The following MS4A4E variants were observed in gnomAD, a reference collection of about 807,000 sequenced individuals.
MS4A4E encodes the protein membrane spanning 4-domains A4E.
In MS4A4E, 23 loss-of-function variants were observed where a neutral mutation model predicts 13.3. The observed-to-expected ratio is 1.73, with a 90% CI of 1.25 to 2.45. The LOEUF is 2.45. MS4A4E is among the 30% of genes most tolerant of loss of function. The probability of loss-of-function intolerance (pLI) is 0.00; values close to 1 mark genes in which losing one functional copy is unlikely to be tolerated. For missense variants in MS4A4E, 144 were observed against 131.2 expected (o/e 1.10, Z -0.48); for synonymous variants, 36 against 45.6 (o/e 0.79, Z 0.85).
Position 60,241,406 on chromosome 11 carries a change from T to C in MS4A4E, c.-17+1552A>G, listed in dbSNP as rs114061487. 3.4e-3 allele frequency among the ~76,000 whole-genome samples: 519 copies of C among 152,326 alleles called. 8 individuals carry two copies. Among genetic ancestry groups the C allele is most frequent in the Middle Eastern group, 0.014 (4 of 294 alleles). ...GAATTTAGGACATGTTGGGTCTGTC[T>C]TATCAAACACACTTGGTAGTTCTCC... On this transcript the variant is annotated intron_variant, in intron 1 of 8. Coordinates refer to ENST00000651255, the MANE Select transcript of MS4A4E (RefSeq NM_001393391.1).
intron 3 of MS4A4E, among the ~76,000 whole-genome samples, chr11:60,224,299 T>C (rs890520349): frequency 6.6e-6 from 1 of 152,226 alleles, no homozygotes; most frequent in African/African-American, 2.4e-5. Flanking sequence ...ACAAAATGTA[T>C]CAAATAACAA....
intron 3 of MS4A4E, among the ~76,000 whole-genome samples, chr11:60,223,921 G>T (rs973041590): frequency 6.6e-6 from 1 of 151,998 alleles, no homozygotes; most frequent in Non-Finnish European, 1.5e-5. Flanking sequence ...TATCCTATTA[G>T]TTATGTCCCT....
intron 6 of MS4A4E, among the ~76,000 whole-genome samples, chr11:60,206,510 T>TAC (rs2084049408): frequency 1.6e-5 from 1 of 62,824 alleles, no homozygotes; most frequent in African/African-American, 5.8e-5. Context: ...CGTATATATA[T>TAC]ATACACACAC....
At chr11:60,206,489 G>GTATATATATATGTATATATATGTA (rs373196401) in intron 6 of MS4A4E, among the ~76,000 whole-genome samples, 1 of 97,568 alleles carries the variant, frequency 1.0e-5, no homozygotes, top group African/African-American at 4.5e-5. Context: ...ATATATATAT[G>GTATATATATATGTATATATATGTA]TATATATATA....
In MS4A4E at chr11:60,243,051, T is replaced by C; in HGVS notation, c.-110A>G. 8.6e-7 allele frequency: 1 copy of C among 1,165,344 alleles called. No individual in the cohort carries two copies. The highest frequency in any genetic ancestry group is 1.2e-6 in the Non-Finnish European group (1 of 813,726). The allele number at this position is 1,165,344 out of a possible 1,614,324, so 72.2% of individuals were successfully genotyped here. A position where few individuals can be genotyped will look rare whatever the true frequency, so the allele number is the denominator to read the frequency against. Reference sequence around the variant, plus strand: ...TTCTTTGTTCCAGACACAGTCAGCTTCCCCCACTCCACACCTCACTCAGTT... The same window carrying C: ...TTCTTTGTTCCAGACACAGTCAGCTCCCCCCACTCCACACCTCACTCAGTT... On this transcript the variant is annotated 5_prime_UTR_variant, in exon 1 of 9. Transcript: ENST00000651255.
chr11:60,236,538 G>T (rs891997114), intron 1 of MS4A4E, among the ~76,000 whole-genome samples: 1 of 151,738 alleles, frequency 6.6e-6, no homozygotes, highest in Non-Finnish European at 1.5e-5. Flanking sequence ...TGTTCTATTT[G>T]AAACTATTGT....
intron 3 of MS4A4E, among the ~76,000 whole-genome samples, chr11:60,217,112 T>C (rs1273576799): frequency 6.6e-6 from 1 of 152,168 alleles, no homozygotes; most frequent in Non-Finnish European, 1.5e-5. Context: ...AATTATGAAC[T>C]CAGGGATTCT....
chr11:60,221,514 C>T (rs1004824851), intron 3 of MS4A4E, among the ~76,000 whole-genome samples: 2 of 152,194 alleles, frequency 1.3e-5, no homozygotes, highest in Non-Finnish European at 2.9e-5. Context: ...TATGCAGGCA[C>T]CACCTCAAAG....
At chr11:60,206,512 T>TATGTGTATATATATAC (rs141037502) in intron 6 of MS4A4E, among the ~76,000 whole-genome samples, 3 of 98,346 alleles carry the variant, frequency 3.1e-5, no homozygotes, top group African/African-American at 4.8e-5. Flanking sequence ...TATATATATA[T>TATGTGTATATATATAC]ACACACACAC....
chr11:60,210,811 A>G (rs574544044), intron 5 of MS4A4E, among the ~76,000 whole-genome samples: 1 of 152,308 alleles, frequency 6.6e-6, no homozygotes, highest in East Asian at 1.9e-4. Context: ...GAAAGCTCTT[A>G]TGGAAGTCCT....
At chr11:60,233,289 G>T (rs938247567) in intron 1 of MS4A4E, among the ~76,000 whole-genome samples, 3 of 152,128 alleles carry the variant, frequency 2.0e-5, no homozygotes, top group Admixed American at 2.0e-4. Context: ...TGCTATGCCC[G>T]ATTGTCTCTG....
intron 6 of MS4A4E, among the ~76,000 whole-genome samples, chr11:60,208,156 G>A (rs2084071396): frequency 1.3e-5 from 2 of 152,140 alleles, no homozygotes; most frequent in Admixed American, 6.6e-5. Flanking sequence ...CTGTGTATAA[G>A]ATGGGATACA....
At chr11:60,212,598 C>T (rs1256711506) in intron 5 of MS4A4E, among the ~76,000 whole-genome samples, 1 of 152,140 alleles carries the variant, frequency 6.6e-6, no homozygotes, top group East Asian at 1.9e-4. Flanking sequence ...CGTGAGCCAC[C>T]GTGTCCGGCT....
chr11:60,234,807 TACTA>T (rs1269340314), intron 1 of MS4A4E, among the ~76,000 whole-genome samples: 1 of 125,876 alleles, frequency 7.9e-6, no homozygotes, highest in Non-Finnish European at 1.6e-5. Flanking sequence ...AAAATGGCAC[TACTA>T]ACTACTTACC....
intron 3 of MS4A4E, among the ~76,000 whole-genome samples, chr11:60,217,203 AAG>A (rs1299278024): frequency 2.6e-5 from 4 of 151,952 alleles, no homozygotes; most frequent in Admixed American, 1.3e-4. Flanking sequence ...TCTGTAGAGA[AAG>A]AGCTGAAATT....
rs1053562386 is a variant in MS4A4E, at chr11:60,229,777, T to C, written c.144+135A>G. On this transcript the variant is annotated intron_variant, in intron 2 of 8. Transcript: ENST00000651255. ...TATATATTTTTTCAAAGAAAGGGCCTGAAATTAAATTCTGATGTTACTAGG... is the reference window on the plus strand; with the variant it reads ...TATATATTTTTTCAAAGAAAGGGCCCGAAATTAAATTCTGATGTTACTAGG... The C allele has an allele frequency of 6.2e-6, 5 of 808,520 alleles. 1 individual carries two copies. The highest frequency in any genetic ancestry group is 9.3e-6 in the Non-Finnish European group (5 of 534,910). 50.1% of individuals were successfully genotyped at this position (808,520 alleles called of 1,614,324 possible).
rs931920868 is a variant in MS4A4E at position 60,200,438 on chromosome 11, C to G, written c.*1105G>C. Among the ~76,000 whole-genome samples, 1 of 152,058 alleles carries G rather than the reference C, an allele frequency of 6.6e-6. No individual in the cohort carries two copies. The highest frequency in any genetic ancestry group is 1.5e-5 in the Non-Finnish European group (1 of 68,014). ...TTTTCCTAGGCAGAGGACCCTGCGG[C>G]CTTCCGAGGTGTTTGTGTCCCTGGG... On this transcript the variant is annotated 3_prime_UTR_variant, in exon 9 of 9. Coordinates refer to ENST00000651255, the MANE Select transcript of MS4A4E (RefSeq NM_001393391.1).
intron 3 of MS4A4E, among the ~76,000 whole-genome samples, chr11:60,225,389 CT>C (rs2084328537): frequency 1.3e-5 from 2 of 152,136 alleles, no homozygotes; most frequent in South Asian, 4.1e-4. Context: ...CTGTTTCTCT[CT>C]TTTGTCACAC....
chr11:60,236,674 G>A (rs1175641926), intron 1 of MS4A4E, among the ~76,000 whole-genome samples: 1 of 150,814 alleles, frequency 6.6e-6, no homozygotes, highest in Non-Finnish European at 1.5e-5. Flanking sequence ...TACATGTGCA[G>A]GTTGGTCATA....
Sources: allele counts gnomAD v4.1 joint callset (sites outside exome capture counted in the v4.1 genomes callset), GRCh38; gene constraint gnomAD v4.1.1; transcripts MANE v1.5; gene names NCBI Gene and HGNC (gene_info 2026-07-23, HGNC 2026-07-21).